SLC36A3: variants seen among roughly 807,000 people sequenced by gnomAD.
SLC36A3 encodes solute carrier family 36 member 3.
A neutral mutation model predicts 44.3 loss-of-function variants in SLC36A3; 35 were observed. The ratio of observed to expected loss-of-function variants is 0.79; its 90% CI spans 0.60 to 1.05. The LOEUF is 1.05. Among genes scored for constraint, SLC36A3 ranks in the 50% least tolerant of loss-of-function variants. The pLI, the probability that SLC36A3 is intolerant of heterozygous loss-of-function variation, is 0.00. For synonymous variants in SLC36A3, 211 were observed against 227.6 expected, an observed-to-expected ratio of 0.93 and a Z score of 0.66; for missense variants, 540 against 578.7, an observed-to-expected ratio of 0.93 and a Z score of 0.69.
chr5:151,281,245 T>A, intron 8 of SLC36A3, 62 bp from the exon 9 acceptor site: 1 of 1,507,104 alleles, frequency 6.6e-7, no homozygotes, highest in South Asian at 1.3e-5. Flanking sequence ...CATTGAGGAC[T>A]CACTTACTGC....
intron 8 of SLC36A3, among the ~76,000 whole-genome samples, 173 bp downstream of exon 8, chr5:151,283,871 G>GGC (rs2127256900): frequency 6.6e-6 from 1 of 152,370 alleles, no homozygotes; most frequent in Admixed American, 6.5e-5. Context: ...CCCTTGGAGT[G>GGC]AGGTGCGGCC....
chr5:151,299,262 C>CTATATATATATATA (rs1483618702), intron 1 of SLC36A3, among the ~76,000 whole-genome samples: 3 of 64,440 alleles, frequency 4.7e-5, no homozygotes, highest in East Asian at 5.5e-4. Flanking sequence ...CTCTCTCTCT[C>CTATATATATATATA]TCTATATATA....
At position 151,281,192 on chromosome 5, in the gene SLC36A3, A is replaced by G; in HGVS notation, c.975-9T>C. ...TGACTGACTGGTACAACCTGCAGAC[A>G]CATGAATTGGATGTGAAAGGTGATG... On this transcript the variant is annotated splice_polypyrimidine_tract_variant and intron_variant, in intron 8 of 9. Transcript: ENST00000335230. 6.3e-7 allele frequency: 1 copy of G among 1,599,030 alleles called. No individual in the cohort carries two copies.
At chr5:151,287,212 A>G in intron 6 of SLC36A3, 34 bp downstream of exon 6, 1 of 1,606,918 alleles carries the variant, frequency 6.2e-7, no homozygotes, top group Non-Finnish European at 8.5e-7. Flanking sequence ...TCAGAGACCC[A>G]GGACCCTGAT....
chr5:151,294,611 T>C (rs1407711142), intron 3 of SLC36A3, among the ~76,000 whole-genome samples: 2 of 152,138 alleles, frequency 1.3e-5, no homozygotes, highest in Non-Finnish European at 2.9e-5. Context: ...AAATCTCCAA[T>C]TCACATTTTG....
In SLC36A3 at chr5:151,284,084, C is replaced by G. The variant is rs750119520; in HGVS notation, c.934G>C (p.Asp312His). 2 of 1,613,934 alleles carry G rather than the reference C, an allele frequency of 1.2e-6. No individual in the cohort carries two copies. The highest frequency in any genetic ancestry group is 3.3e-5 in the Admixed American group (2 of 59,980). ...GTLGYMKFGS[D>H]TQASITLNLP... ...TTGAGGGTGATGCTGGCCTGGGTGT[C>G]TGACCCAAACTTCATGTAGCCCAGT... Residue 312 changes from aspartate (D) to histidine (H), a missense_variant, in exon 8 of 10, where the codon GAC (aspartate) becomes CAC (histidine). By Grantham distance (81) the Asp-to-His change is moderately conservative. Transcript: ENST00000335230.
At chr5:151,281,566 G>T (rs145518296) in intron 8 of SLC36A3, among the ~76,000 whole-genome samples, 7 of 152,064 alleles carry the variant, frequency 4.6e-5, no homozygotes, top group South Asian at 2.1e-4. Context: ...GCTTGTAATC[G>T]CAGCAGTTTG....
At chr5:151,294,650 CAG>C (rs1437468228) in intron 3 of SLC36A3, among the ~76,000 whole-genome samples, 2 of 150,684 alleles carry the variant, frequency 1.3e-5, no homozygotes, top group Non-Finnish European at 3.0e-5. Context: ...TTTTTTGAGA[CAG>C]AGTTTTCACT....
intron 4 of SLC36A3, among the ~76,000 whole-genome samples, chr5:151,291,687 A>G (rs1220176296): frequency 6.6e-6 from 1 of 152,224 alleles, no homozygotes; most frequent in South Asian, 2.1e-4. Context: ...GTGGGCTATT[A>G]TGAGACACAC....
At chr5:151,287,492 G>A (rs1360775941) in intron 5 of SLC36A3, 28 bp from the exon 6 acceptor site, 20 of 1,606,476 alleles carry the variant, frequency 1.2e-5, no homozygotes, top group Non-Finnish European at 1.6e-5. Context: ...GACAGGCAGT[G>A]TGGTTGCTAC....
At chr5:151,279,940 C>T (rs1347305170) in intron 9 of SLC36A3, among the ~76,000 whole-genome samples, 1 of 152,132 alleles carries the variant, frequency 6.6e-6, no homozygotes, top group Non-Finnish European at 1.5e-5. Flanking sequence ...TGGAAATTTC[C>T]TGAGACTTTG....
intron 2 of SLC36A3, chr5:151,298,327 C>G: frequency 2.8e-6 from 1 of 360,142 alleles, no homozygotes; most frequent in Non-Finnish European, 4.7e-6. Context: ...GCATGTGATC[C>G]TAGGAGTGGG....
intron 7 of SLC36A3, 57 bp downstream of exon 7, chr5:151,284,556 C>G: frequency 7.7e-7 from 1 of 1,293,986 alleles, no homozygotes; most frequent in Non-Finnish European, 1.1e-6. Flanking sequence ...TCTGCAACTA[C>G]AGTTGGCCAC....
intron 3 of SLC36A3, among the ~76,000 whole-genome samples, chr5:151,295,684 C>G (rs1037510648): frequency 6.6e-6 from 1 of 152,150 alleles, no homozygotes; most frequent in African/African-American, 2.4e-5. Context: ...AATACATAAA[C>G]ATTGATTATT....
chr5:151,287,516 C>T, intron 5 of SLC36A3, 52 bp from the exon 6 acceptor site: 1 of 1,531,326 alleles, frequency 6.5e-7, no homozygotes, highest in Non-Finnish European at 9.0e-7. Context: ...AAACACAGGA[C>T]ACCAATTACA....
intron 9 of SLC36A3, among the ~76,000 whole-genome samples, chr5:151,280,609 T>G (rs1249836083): frequency 6.6e-6 from 1 of 152,254 alleles, no homozygotes; most frequent in African/African-American, 2.4e-5. Flanking sequence ...ACACAATCTG[T>G]GTTCAAATCC....
intron 4 of SLC36A3, among the ~76,000 whole-genome samples, chr5:151,289,914 T>C (rs1267770646): frequency 2.6e-5 from 4 of 152,202 alleles, no homozygotes; most frequent in East Asian, 1.9e-4. Flanking sequence ...GGCATGATTA[T>C]CCTGTTCCTC....
intron 8 of SLC36A3, among the ~76,000 whole-genome samples, chr5:151,283,426 A>G (rs1044956120): frequency 3.9e-5 from 6 of 152,220 alleles, no homozygotes; most frequent in African/African-American, 1.4e-4. Context: ...GGTCCCAGGA[A>G]GGAAAGTGCC....
At chr5:151,283,972 G>C in intron 8 of SLC36A3, 72 bp downstream of exon 8, 5 of 1,499,386 alleles carry the variant, frequency 3.3e-6, no homozygotes, top group South Asian at 2.8e-5. Flanking sequence ...CAGCTTTGCT[G>C]TGCTCTCTGC....
Sources: gnomAD v4.1 joint callset for allele counts (sites outside exome capture counted in the v4.1 genomes callset) on GRCh38, gnomAD v4.1.1 for gene constraint, MANE v1.5 for transcripts, NCBI Gene and HGNC (gene_info 2026-07-23, HGNC 2026-07-21) for gene names.